Variants in RIMS2 observed in about 807,000 individuals in gnomAD.
RIMS2 encodes the protein regulating synaptic membrane exocytosis protein 2.
Under a neutral mutation model 174.4 loss-of-function variants are expected in RIMS2, and 59 were observed. That is an observed-to-expected ratio of 0.34 (90% CI 0.27 to 0.42). The LOEUF is 0.42. Among genes scored for constraint, RIMS2 ranks in the 10% least tolerant of loss-of-function variants. The pLI is 1.00. For missense variants in RIMS2, 1,620 were observed against 1,666.3 expected, an observed-to-expected ratio of 0.97 and a Z score of 0.48; for synonymous variants, 606 against 572.5, an observed-to-expected ratio of 1.06 and a Z score of -0.84.
At chr8:103,582,476 G>T (rs116902735) in intron 1 of RIMS2, among the ~76,000 whole-genome samples, 1 of 152,142 alleles carries the variant, frequency 6.6e-6, no homozygotes, top group African/African-American at 2.4e-5. Flanking sequence ...AGAGCACCAA[G>T]AGGGCTCTTG....
chr8:104,146,613 A>G (rs1265914590), intron 19 of RIMS2, among the ~76,000 whole-genome samples: 2 of 152,232 alleles, frequency 1.3e-5, no homozygotes, highest in African/African-American at 4.8e-5. Flanking sequence ...AAAAATCACA[A>G]GATACAATTT....
At chr8:104,006,845 ACTATTTAATTT>A (rs1034839039) in intron 17 of RIMS2, among the ~76,000 whole-genome samples, 141 of 151,940 alleles carry the variant, frequency 9.3e-4, no homozygotes, top group African/African-American at 3.3e-3. Flanking sequence ...CCTTTTTTGA[ACTATTTAATTT>A]CTGTTAATAG....
intron 1 of RIMS2, among the ~76,000 whole-genome samples, chr8:103,696,064 AT>A (rs1290561054): frequency 6.6e-6 from 1 of 150,984 alleles, no homozygotes; most frequent in African/African-American, 2.4e-5. Context: ...CTTCATTTCC[AT>A]TTTTTTTCTG....
chr8:103,923,807 G>A (rs1225259276), intron 10 of RIMS2, among the ~76,000 whole-genome samples: 1 of 151,586 alleles, frequency 6.6e-6, no homozygotes, highest in Non-Finnish European at 1.5e-5. Context: ...AATCTGGAAA[G>A]TACAGAAAAT....
At chr8:103,636,820 A>G (rs1208599021) in intron 1 of RIMS2, among the ~76,000 whole-genome samples, 1 of 109,116 alleles carries the variant, frequency 9.2e-6, no homozygotes, top group African/African-American at 3.8e-5. Flanking sequence ...ACACATACCA[A>G]TCTGCGTTTT....
chr8:104,202,018 G>A (rs527809309), intron 19 of RIMS2, among the ~76,000 whole-genome samples: 15 of 152,166 alleles, frequency 9.9e-5, no homozygotes, highest in Non-Finnish European at 1.9e-4. Context: ...ATAAAATAGC[G>A]TCCTTAGAAG....
At chr8:104,024,499 T>G (rs2096201556) in intron 19 of RIMS2, among the ~76,000 whole-genome samples, 1 of 152,204 alleles carries the variant, frequency 6.6e-6, no homozygotes, top group Admixed American at 6.5e-5. Flanking sequence ...TCTATGACAC[T>G]GTTGTAGATT....
intron 19 of RIMS2, among the ~76,000 whole-genome samples, chr8:104,119,025 T>C (rs1301533210): frequency 6.6e-6 from 1 of 151,930 alleles, no homozygotes; most frequent in Non-Finnish European, 1.5e-5. Flanking sequence ...GGGACACAAA[T>C]GTTCAGCATA....
chr8:104,194,580 T>C (rs1403079136), intron 19 of RIMS2, among the ~76,000 whole-genome samples: 1 of 152,186 alleles, frequency 6.6e-6, no homozygotes, highest in African/African-American at 2.4e-5. Flanking sequence ...AGTCACTCAT[T>C]AGCAAAAATC....
intron 19 of RIMS2, among the ~76,000 whole-genome samples, chr8:104,105,380 T>A (rs898788757): frequency 6.6e-6 from 1 of 152,178 alleles, no homozygotes; most frequent in Admixed American, 6.5e-5. Context: ...GGAAACAGCA[T>A]GTTCAAGAAA....
chr8:103,970,172 A>G lies in RIMS2; in HGVS notation c.2771-5178A>G, dbSNP rs75921324. 9.9e-3 allele frequency among the ~76,000 whole-genome samples: 1,501 copies of G among 152,220 alleles called. 19 individuals are homozygous for G. Among genetic ancestry groups the G allele is most frequent in the East Asian group, 0.046 (239 of 5,176 alleles). On this transcript the variant is annotated intron_variant, in intron 15 of 23. Coordinates refer to ENST00000504942, the Ensembl canonical transcript of RIMS2. ...TAAGGTCGGGGAAGGGAAACATTCT[A>G]TATTCCTATGATTAGGTCTCAGTCT...
At chr8:103,785,216 C>T (rs919926204) in intron 3 of RIMS2, among the ~76,000 whole-genome samples, 3 of 147,030 alleles carry the variant, frequency 2.0e-5, no homozygotes, top group African/African-American at 7.7e-5. Flanking sequence ...CATCTGCAAA[C>T]AGGGACAATT....
At chr8:103,799,042 T>C (rs1440916260) in intron 3 of RIMS2, among the ~76,000 whole-genome samples, 1 of 151,688 alleles carries the variant, frequency 6.6e-6, no homozygotes, top group Non-Finnish European at 1.5e-5. Flanking sequence ...AGTCAAAGAA[T>C]TTGCCAGCCT....
chr8:104,140,805 A>G (rs2098559143), intron 19 of RIMS2, among the ~76,000 whole-genome samples: 1 of 152,122 alleles, frequency 6.6e-6, no homozygotes, highest in East Asian at 1.9e-4. Flanking sequence ...CTATGGTTTA[A>G]ATTAGCTGAG....
At chr8:103,693,792 A>C (rs929568643) in intron 1 of RIMS2, among the ~76,000 whole-genome samples, 1 of 152,084 alleles carries the variant, frequency 6.6e-6, no homozygotes, top group Non-Finnish European at 1.5e-5. Context: ...GGGCCGATTC[A>C]TTTGGTCTGC....
At chr8:103,524,338 G>A (rs1226484024) in intron 1 of RIMS2, among the ~76,000 whole-genome samples, 1 of 152,104 alleles carries the variant, frequency 6.6e-6, no homozygotes, top group African/African-American at 2.4e-5. Flanking sequence ...ATGGGATAGT[G>A]CTGATACATT....
intron 3 of RIMS2, among the ~76,000 whole-genome samples, chr8:103,831,966 C>T (rs2098828438): frequency 6.6e-6 from 1 of 152,200 alleles, no homozygotes; most frequent in African/African-American, 2.4e-5. Context: ...GGGTCTAACC[C>T]TTAGTTGAAG....
chr8:104,049,126 TAA>T (rs397891918), intron 19 of RIMS2, among the ~76,000 whole-genome samples: 149 of 139,790 alleles, frequency 1.1e-3, no homozygotes, highest in Non-Finnish European at 1.1e-3. Flanking sequence ...GATTTTTCTT[TAA>T]AAAAAAAAAA....
intron 3 of RIMS2, among the ~76,000 whole-genome samples, chr8:103,866,600 G>A (rs2099085608): frequency 1.3e-5 from 2 of 151,996 alleles, no homozygotes; most frequent in Admixed American, 1.3e-4. Context: ...CTAAGCACAG[G>A]TACTAATGTC....
Sources: gnomAD v4.1 joint callset for allele counts (sites outside exome capture counted in the v4.1 genomes callset) on GRCh38, gnomAD v4.1.1 for gene constraint, MANE v1.5 for transcripts, NCBI Gene and HGNC (gene_info 2026-07-23, HGNC 2026-07-21) for gene names.